Variants in MATCAP2 observed in about 807,000 individuals in gnomAD.
MATCAP2 encodes putative tyrosine carboxypeptidase MATCAP2.
the MATCAP2 span, among the ~76,000 whole-genome samples, chr7:36,377,719 G>C: frequency 3.9e-5 from 6 of 152,158 alleles, no homozygotes; most frequent in South Asian, 1.0e-3. Context: ...TCCATTCTCC[G>C]CATCACTTTC....
the MATCAP2 span, among the ~76,000 whole-genome samples, chr7:36,386,976 A>G: frequency 6.6e-6 from 1 of 152,226 alleles, no homozygotes; most frequent in Non-Finnish European, 1.5e-5. Context: ...TTTGGAATGA[A>G]AAACTGGAAA....
chr7:36,379,500 A>G, the MATCAP2 span, among the ~76,000 whole-genome samples: 2 of 152,178 alleles, frequency 1.3e-5, no homozygotes, highest in African/African-American at 4.8e-5. Context: ...AAAGATACCT[A>G]TATACATACA....
At chr7:36,334,216 C>G in the MATCAP2 span, 1 of 1,441,760 alleles carries the variant, frequency 6.9e-7, no homozygotes, top group East Asian at 2.3e-5. Flanking sequence ...TGTTTTAATT[C>G]TTCCCCCAAA....
At chr7:36,354,032 A>G in the MATCAP2 span, among the ~76,000 whole-genome samples, 2 of 152,176 alleles carry the variant, frequency 1.3e-5, no homozygotes, top group Non-Finnish European at 2.9e-5. Context: ...CTTAGCACCT[A>G]TGAAGCACTG....
At chr7:36,352,121 C>G in the MATCAP2 span, among the ~76,000 whole-genome samples, 1 of 150,174 alleles carries the variant, frequency 6.7e-6, no homozygotes. Context: ...TTTCACTGGG[C>G]GCACTGGCTC....
the MATCAP2 span, among the ~76,000 whole-genome samples, chr7:36,374,152 C>G: frequency 6.6e-6 from 1 of 152,080 alleles, no homozygotes; most frequent in Admixed American, 6.6e-5. Flanking sequence ...GATCACAGCT[C>G]ACTGCAGCCT....
the MATCAP2 span, among the ~76,000 whole-genome samples, chr7:36,360,150 T>A: frequency 3.4e-3 from 525 of 152,306 alleles, 6 homozygotes; most frequent in Non-Finnish European, 4.0e-3. Flanking sequence ...ACTGATTTTT[T>A]AAAAATGAAT....
chr7:36,378,536 TTAGGCTA>T, the MATCAP2 span, among the ~76,000 whole-genome samples: 3 of 152,226 alleles, frequency 2.0e-5, no homozygotes, highest in Non-Finnish European at 4.4e-5. Flanking sequence ...TGTCTCCTAG[TTAGGCTA>T]CATGGGGTTC....
At chr7:36,327,175 G>C in the MATCAP2 span, among the ~76,000 whole-genome samples, 1 of 152,038 alleles carries the variant, frequency 6.6e-6, no homozygotes. Context: ...TTTCATTCTT[G>C]TTGCCCAGGC....
At chr7:36,367,061 C>G in the MATCAP2 span, 4 of 1,275,348 alleles carry the variant, frequency 3.1e-6, no homozygotes, top group Non-Finnish European at 3.9e-6. Flanking sequence ...GGAGGCGGCT[C>G]TCCGCTACCT....
At chr7:36,345,118 C>G in the MATCAP2 span, among the ~76,000 whole-genome samples, 1 of 152,164 alleles carries the variant, frequency 6.6e-6, no homozygotes, top group Non-Finnish European at 1.5e-5. Flanking sequence ...GGAATCTACT[C>G]TTGAGTTCCA....
At chr7:36,377,584 G>A in the MATCAP2 span, among the ~76,000 whole-genome samples, 10 of 152,156 alleles carry the variant, frequency 6.6e-5, no homozygotes, top group South Asian at 4.1e-4. Context: ...GTGTCTCAGG[G>A]TTGCTCTTCT....
the MATCAP2 span, among the ~76,000 whole-genome samples, chr7:36,361,039 T>G: frequency 2.0e-5 from 3 of 152,196 alleles, no homozygotes; most frequent in Admixed American, 6.6e-5. Flanking sequence ...CCAACCTGAT[T>G]ACCCATACTG....
At chr7:36,386,433 ATGTGTATG>A in the MATCAP2 span, among the ~76,000 whole-genome samples, 2 of 121,552 alleles carry the variant, frequency 1.6e-5, no homozygotes, top group African/African-American at 3.2e-5. Context: ...GTATATGTGT[ATGTGTATG>A]TGTGTATGTG....
At chr7:36,366,289 G>T in the MATCAP2 span, among the ~76,000 whole-genome samples, 1 of 152,076 alleles carries the variant, frequency 6.6e-6, no homozygotes, top group Non-Finnish European at 1.5e-5. Flanking sequence ...CACGCATAGC[G>T]ATTTACAAAT....
the MATCAP2 span, among the ~76,000 whole-genome samples, chr7:36,328,132 A>G: frequency 6.6e-6 from 1 of 151,504 alleles, no homozygotes; most frequent in South Asian, 2.1e-4. Context: ...GCAGTGATGC[A>G]ATCACAGCTC....
At chr7:36,330,287 T>C in the MATCAP2 span, among the ~76,000 whole-genome samples, 3 of 151,986 alleles carry the variant, frequency 2.0e-5, no homozygotes, top group Non-Finnish European at 4.4e-5. Context: ...GGTTTCCCCA[T>C]GTTGCCCAGG....
chr7:36,366,912 T>C, the MATCAP2 span: 2 of 1,449,786 alleles, frequency 1.4e-6, no homozygotes, highest in Non-Finnish European at 1.8e-6. Context: ...TTCCCGGCAC[T>C]CACCCGTCAC....
chr7:36,370,782 T>A, the MATCAP2 span, among the ~76,000 whole-genome samples: 19 of 152,224 alleles, frequency 1.2e-4, no homozygotes, highest in South Asian at 1.4e-3. Context: ...CGCCTCGCCA[T>A]TAAAACTGAT....
Sources: allele counts gnomAD v4.1 joint callset (sites outside exome capture counted in the v4.1 genomes callset), GRCh38; gene constraint gnomAD v4.1.1; transcripts MANE v1.5; gene names NCBI Gene and HGNC (gene_info 2026-07-23, HGNC 2026-07-21).